PPM1E: variants seen among roughly 807,000 people sequenced by gnomAD.
The protein encoded by PPM1E is protein phosphatase, Mg2+/Mn2+ dependent 1E, also known as protein phosphatase 1E.
Under a neutral mutation model 65.9 loss-of-function variants are expected in PPM1E, and 20 were observed. The ratio of observed to expected loss-of-function variants is 0.30; its 90% CI spans 0.21 to 0.44. The LOEUF (loss-of-function observed/expected upper bound fraction) is 0.44. Ranked by LOEUF, PPM1E falls within the 20% of genes least tolerant of loss-of-function variation. PPM1E has a pLI of 1.00. For synonymous variants in PPM1E, 352 were observed against 374.9 expected, an observed-to-expected ratio of 0.94 and a Z score of 0.70; for missense variants, 713 against 953.1, an observed-to-expected ratio of 0.75 and a Z score of 3.32.
intron 1 of PPM1E, among the ~76,000 whole-genome samples, chr17:58,768,237 C>T (rs2049902224): frequency 1.3e-5 from 2 of 152,136 alleles, no homozygotes; most frequent in South Asian, 4.1e-4. Flanking sequence ...CAGGCATGAG[C>T]CACTGTGCCC....
chr17:58,958,177 T>A (rs774100097), intron 2 of PPM1E, among the ~76,000 whole-genome samples: 9 of 152,040 alleles, frequency 5.9e-5, no homozygotes, highest in Non-Finnish European at 7.4e-5. Context: ...AATATCACAG[T>A]GTAAAAATTA....
At chr17:58,763,016 T>TAG (rs1275710778) in intron 1 of PPM1E, among the ~76,000 whole-genome samples, 2 of 152,152 alleles carry the variant, frequency 1.3e-5, no homozygotes, top group African/African-American at 4.8e-5. Flanking sequence ...TGTATATCAT[T>TAG]CTATAGTATG....
chr17:58,778,927 C>CATACATATATATAT (rs964133373), intron 1 of PPM1E, among the ~76,000 whole-genome samples: 4 of 103,710 alleles, frequency 3.9e-5, no homozygotes, highest in Non-Finnish European at 7.9e-5. Flanking sequence ...ATGATACATA[C>CATACATATATATAT]ATATATATAT....
At chr17:58,779,953 T>G (rs982832806) in intron 1 of PPM1E, among the ~76,000 whole-genome samples, 1 of 152,190 alleles carries the variant, frequency 6.6e-6, no homozygotes, top group Non-Finnish European at 1.5e-5. Context: ...TGCATAGTGC[T>G]CCGTTACAGG....
chr17:58,964,766 G>A (rs968467335), intron 2 of PPM1E, among the ~76,000 whole-genome samples: 4 of 152,190 alleles, frequency 2.6e-5, no homozygotes, highest in African/African-American at 4.8e-5. Flanking sequence ...AAAACAGGCC[G>A]GGTGCGGTGG....
rs868369849 is a variant in PPM1E, at chr17:58,930,256, C to T, written c.465-25393C>T. ...ACAATAAATTAAATGTATATACACA[C>T]ACACACACACACACACACACACACA... On this transcript the variant is annotated intron_variant, in intron 1 of 6. Coordinates refer to ENST00000308249, the MANE Select transcript of PPM1E (RefSeq NM_014906.5). 2.9e-3 allele frequency among the ~76,000 whole-genome samples: 422 copies of T among 147,300 alleles called. 5 individuals are homozygous for T. The highest frequency in any genetic ancestry group is 0.027 in the South Asian group (126 of 4,714).
At chr17:58,802,536 TATACA>T (rs1288080568) in intron 1 of PPM1E, among the ~76,000 whole-genome samples, 3 of 152,156 alleles carry the variant, frequency 2.0e-5, no homozygotes, top group African/African-American at 7.2e-5. Context: ...GTACTATTAA[TATACA>T]AATGTTAGGG....
At chr17:58,795,733 C>T (rs1026719163) in intron 1 of PPM1E, among the ~76,000 whole-genome samples, 2 of 152,134 alleles carry the variant, frequency 1.3e-5, no homozygotes, top group Non-Finnish European at 2.9e-5. Flanking sequence ...GCTATTCTGA[C>T]TGGTGTGAGA....
intron 1 of PPM1E, among the ~76,000 whole-genome samples, chr17:58,862,172 ACAGC>A (rs1365305074): frequency 6.6e-6 from 1 of 152,238 alleles, no homozygotes; most frequent in Non-Finnish European, 1.5e-5. Flanking sequence ...TCAAACAGAG[ACAGC>A]CAGTATTTAT....
At chr17:58,876,580 C>T (rs1262793220) in intron 1 of PPM1E, among the ~76,000 whole-genome samples, 1 of 151,980 alleles carries the variant, frequency 6.6e-6, no homozygotes, top group Non-Finnish European at 1.5e-5. Context: ...ATTTCTAATC[C>T]TCTTCCTAAA....
intron 1 of PPM1E, among the ~76,000 whole-genome samples, chr17:58,837,717 C>T (rs189512511): frequency 6.6e-6 from 1 of 152,154 alleles, no homozygotes; most frequent in East Asian, 1.9e-4. Flanking sequence ...AGGATGGTCT[C>T]GATCTCCTGA....
intron 1 of PPM1E, among the ~76,000 whole-genome samples, chr17:58,877,578 T>A (rs1051204424): frequency 6.6e-6 from 1 of 152,190 alleles, no homozygotes; most frequent in South Asian, 2.1e-4. Flanking sequence ...TTATAAATGG[T>A]AGGTTCCTAG....
intron 1 of PPM1E, among the ~76,000 whole-genome samples, chr17:58,879,474 GA>G (rs2051165177): frequency 7.2e-6 from 1 of 138,728 alleles, no homozygotes; most frequent in Non-Finnish European, 1.6e-5. Flanking sequence ...TATCATTTAG[GA>G]AAAAAAGATT....
chr17:58,911,923 G>A (rs967398241), intron 1 of PPM1E, among the ~76,000 whole-genome samples: 1 of 152,124 alleles, frequency 6.6e-6, no homozygotes, highest in Non-Finnish European at 1.5e-5. Context: ...TCTCAGCAAG[G>A]CAAATTTACT....
chr17:58,841,011 C>T (rs185136336), intron 1 of PPM1E, among the ~76,000 whole-genome samples: 3 of 152,190 alleles, frequency 2.0e-5, no homozygotes, highest in East Asian at 1.9e-4. Context: ...ACAAGGTATT[C>T]GGGAACAGGA....
At chr17:58,884,280 A>G (rs1416910124) in intron 1 of PPM1E, among the ~76,000 whole-genome samples, 2 of 152,174 alleles carry the variant, frequency 1.3e-5, no homozygotes, top group Non-Finnish European at 2.9e-5. Flanking sequence ...CCACAGGTCC[A>G]TAGTCTTGCC....
chr17:58,941,237 G>T (rs866304836), intron 1 of PPM1E, among the ~76,000 whole-genome samples: 2 of 152,192 alleles, frequency 1.3e-5, no homozygotes, highest in Middle Eastern at 3.4e-3. Flanking sequence ...TGGTAACATT[G>T]TTTATAAAGC....
chr17:58,765,068 GGT>G (rs10578476), intron 1 of PPM1E, among the ~76,000 whole-genome samples: 152,096 of 152,174 alleles, frequency 1, 76,009 homozygotes, highest in Non-Finnish European at 1. Flanking sequence ...TGTTTTTGTT[GGT>G]GTGTGTTTAT....
intron 1 of PPM1E, among the ~76,000 whole-genome samples, chr17:58,807,390 T>G (rs921581201): frequency 6.6e-5 from 10 of 152,136 alleles, no homozygotes; most frequent in Non-Finnish European, 1.3e-4. Flanking sequence ...ATATAATATT[T>G]AGTTGCTTAA....
Sources: gnomAD v4.1 joint callset for allele counts (sites outside exome capture counted in the v4.1 genomes callset) on GRCh38, gnomAD v4.1.1 for gene constraint, MANE v1.5 for transcripts, NCBI Gene and HGNC (gene_info 2026-07-23, HGNC 2026-07-21) for gene names.